The following CYP4X1 variants were observed in gnomAD, a reference collection of about 807,000 sequenced individuals.
CYP4X1 encodes the protein cytochrome P450 4X1.
Under a neutral mutation model 57.9 loss-of-function variants are expected in CYP4X1, and 44 were observed. The observed-to-expected ratio is 0.76, with a 90% CI of 0.60 to 0.98. The LOEUF (loss-of-function observed/expected upper bound fraction) is 0.98. CYP4X1 is among the 50% of genes least tolerant of loss of function. The pLI, the probability that CYP4X1 is intolerant of heterozygous loss-of-function variation, is 0.00. For missense variants in CYP4X1, 532 were observed against 623.9 expected, an observed-to-expected ratio of 0.85 and a Z score of 1.57; for synonymous variants, 227 against 228.6, an observed-to-expected ratio of 0.99 and a Z score of 0.06.
At chr1:47,013,759 C>CTTTTT in the CYP4X1 span, among the ~76,000 whole-genome samples, 5 of 122,108 alleles carry the variant, frequency 4.1e-5, no homozygotes, top group East Asian at 2.4e-4. Context: ...TCAATATACT[C>CTTTTT]TTTTTTTTTT....
At chr1:46,998,824 G>A in the CYP4X1 span, among the ~76,000 whole-genome samples, 5,316 of 152,024 alleles carry the variant, frequency 0.035, 334 homozygotes, top group African/African-American at 0.12. Context: ...TTATTGAATT[G>A]GGTATTCTTT....
the CYP4X1 span, among the ~76,000 whole-genome samples, chr1:46,968,375 T>C: frequency 5.7e-4 from 87 of 152,266 alleles, no homozygotes; most frequent in Non-Finnish European, 9.9e-4. Flanking sequence ...CCTCCCATGC[T>C]CTTCATCACA....
At chr1:47,033,187 C>T in intron 3 of CYP4X1, 54 bp from the exon 4 acceptor site, 1 of 1,585,402 alleles carries the variant, frequency 6.3e-7, no homozygotes, top group Non-Finnish European at 8.6e-7. Context: ...CCTCATCTAT[C>T]CTTCATCTCA....
chr1:46,978,133 C>T, the CYP4X1 span, among the ~76,000 whole-genome samples: 1 of 152,122 alleles, frequency 6.6e-6, no homozygotes, highest in East Asian at 1.9e-4. Context: ...CAATATTAAC[C>T]TTAAATGTAA....
chr1:46,989,132 T>C, the CYP4X1 span, among the ~76,000 whole-genome samples: 3 of 152,286 alleles, frequency 2.0e-5, no homozygotes, highest in African/African-American at 7.2e-5. Context: ...GATGACATGA[T>C]TGTATATTTA....
At chr1:47,010,776 G>C in the CYP4X1 span, among the ~76,000 whole-genome samples, 8 of 151,926 alleles carry the variant, frequency 5.3e-5, no homozygotes, top group African/African-American at 1.9e-4. Flanking sequence ...AACAGACAGA[G>C]AGCCAAATCA....
chr1:47,013,971 C>T, the CYP4X1 span, among the ~76,000 whole-genome samples: 2 of 151,854 alleles, frequency 1.3e-5, no homozygotes, highest in African/African-American at 2.4e-5. Context: ...GATAGTGTTT[C>T]GCCAAGTTGG....
the CYP4X1 span, among the ~76,000 whole-genome samples, chr1:47,000,470 C>T: frequency 1.6e-3 from 245 of 152,196 alleles, no homozygotes; most frequent in Non-Finnish European, 2.8e-3. Context: ...GGGTTTGGCC[C>T]GGCCCACAAC....
the CYP4X1 span, among the ~76,000 whole-genome samples, chr1:46,988,755 A>T: frequency 2.6e-5 from 4 of 152,316 alleles, no homozygotes; most frequent in South Asian, 8.3e-4. Flanking sequence ...AATATAATGC[A>T]TCACATAAAC....
the CYP4X1 span, among the ~76,000 whole-genome samples, chr1:46,986,576 T>C: frequency 6.6e-6 from 1 of 152,024 alleles, no homozygotes; most frequent in Middle Eastern, 3.4e-3. Flanking sequence ...CCAAGACATA[T>C]AATTGTCAGA....
the CYP4X1 span, among the ~76,000 whole-genome samples, chr1:46,993,503 A>G: frequency 3.9e-5 from 6 of 152,240 alleles, no homozygotes; most frequent in African/African-American, 1.4e-4. Flanking sequence ...CTGAGGAATC[A>G]CCACACTGAC....
chr1:46,971,982 T>C, the CYP4X1 span, among the ~76,000 whole-genome samples: 1 of 152,240 alleles, frequency 6.6e-6, no homozygotes, highest in Non-Finnish European at 1.5e-5. Flanking sequence ...CAATTGCTTT[T>C]AGAGTCTTCA....
chr1:47,023,770 C>T lies in CYP4X1; in HGVS notation c.-48C>T. 1.3e-6 allele frequency: 2 copies of T among 1,586,664 alleles called. No homozygotes were observed. The highest frequency in any genetic ancestry group is 1.7e-6 in the Non-Finnish European group (2 of 1,165,230). Reference sequence around the variant, plus strand: ...AGCTCCGGGCGGGAGAAAGCCCACCCTCTCCCGCGCCCCAGGAAACCGCCG... The same window carrying T: ...AGCTCCGGGCGGGAGAAAGCCCACCTTCTCCCGCGCCCCAGGAAACCGCCG... On this transcript the variant is annotated 5_prime_UTR_variant, in exon 1 of 12. Transcript: ENST00000371901.
At chr1:47,053,231 T>C (rs1464399838), downstream of CYP4X1, among the ~76,000 whole-genome samples, 3 of 152,180 alleles carry the variant, frequency 2.0e-5, no homozygotes, top group African/African-American at 4.8e-5. Flanking sequence ...TCCATGTCCC[T>C]ACAAAGGACA....
At chr1:46,985,011 G>A in the CYP4X1 span, among the ~76,000 whole-genome samples, 1 of 152,208 alleles carries the variant, frequency 6.6e-6, no homozygotes. Context: ...GGATGCTCAA[G>A]CTTGGTGGGG....
the CYP4X1 span, among the ~76,000 whole-genome samples, chr1:46,995,387 A>G: frequency 9.9e-5 from 15 of 152,188 alleles, no homozygotes; most frequent in Non-Finnish European, 1.8e-4. Context: ...TCTAAAAAGG[A>G]AGAATGAGGT....
At chr1:47,011,921 G>A in the CYP4X1 span, among the ~76,000 whole-genome samples, 1 of 152,218 alleles carries the variant, frequency 6.6e-6, no homozygotes, top group Non-Finnish European at 1.5e-5. Flanking sequence ...AGGTGCTGGA[G>A]AGGAGGTGGA....
chr1:47,032,673 C>T (rs765075346), intron 3 of CYP4X1, among the ~76,000 whole-genome samples: 5 of 152,168 alleles, frequency 3.3e-5, no homozygotes, highest in African/African-American at 2.4e-5. Flanking sequence ...ATTCATAGAC[C>T]TGGGCTCAAG....
intron 1 of CYP4X1, among the ~76,000 whole-genome samples, chr1:47,026,291 T>C (rs1216520230): frequency 6.6e-5 from 10 of 152,236 alleles, no homozygotes; most frequent in Non-Finnish European, 1.3e-4. Flanking sequence ...CCATTCTTCA[T>C]GATGTGCCTA....
Sources: gnomAD v4.1 joint callset for allele counts (sites outside exome capture counted in the v4.1 genomes callset) on GRCh38, gnomAD v4.1.1 for gene constraint, MANE v1.5 for transcripts, NCBI Gene and HGNC (gene_info 2026-07-23, HGNC 2026-07-21) for gene names.